PRKAR2B: variants seen among roughly 807,000 people sequenced by gnomAD.
PRKAR2B encodes cAMP-dependent protein kinase type II-beta regulatory subunit.
PRKAR2B carries 14 observed loss-of-function variants against 49.9 expected under a neutral mutation model. The ratio of observed to expected loss-of-function variants is 0.28; its 90% CI spans 0.19 to 0.44. The LOEUF (loss-of-function observed/expected upper bound fraction) is 0.44. Ranked by LOEUF, PRKAR2B falls within the 20% of genes least tolerant of loss-of-function variation. The probability of loss-of-function intolerance (pLI) is 1.00; values close to 1 mark genes in which losing one functional copy is unlikely to be tolerated. For missense variants in PRKAR2B, 393 were observed against 537.9 expected (o/e 0.73, Z 2.67); for synonymous variants, 196 against 197.7 (o/e 0.99, Z 0.07).
At chr7:107,155,075 T>C (rs1270927825) in intron 8 of PRKAR2B, among the ~76,000 whole-genome samples, 1 of 152,196 alleles carries the variant, frequency 6.6e-6, no homozygotes, top group East Asian at 1.9e-4. Context: ...GTCTCGGCAC[T>C]TCCTCAGGAG....
chr7:107,131,460 A>G (rs1279229945), intron 4 of PRKAR2B, among the ~76,000 whole-genome samples: 1 of 152,252 alleles, frequency 6.6e-6, no homozygotes, highest in African/African-American at 2.4e-5. Flanking sequence ...TTTTGTAAAC[A>G]TAAGAGTTCT....
chr7:107,075,857 A>AT (rs1213225148), intron 2 of PRKAR2B, among the ~76,000 whole-genome samples: 1 of 152,172 alleles, frequency 6.6e-6, no homozygotes, highest in Admixed American at 6.5e-5. Flanking sequence ...TAATCCTTTA[A>AT]TATGGGCATC....
At chr7:107,068,367 G>A (rs1484847865) in intron 1 of PRKAR2B, among the ~76,000 whole-genome samples, 8 of 151,936 alleles carry the variant, frequency 5.3e-5, no homozygotes, top group Non-Finnish European at 1.2e-4. Flanking sequence ...TGCACTCTCC[G>A]TTCTGCATTC....
chr7:107,067,416 T>A (rs1007438701), intron 1 of PRKAR2B: 3 of 152,190 alleles, frequency 2.0e-5, no homozygotes, highest in African/African-American at 4.8e-5. Context: ...AATTACTGCA[T>A]ACCACTTGCT....
At chr7:107,053,533 T>A (rs1793851133) in intron 1 of PRKAR2B, among the ~76,000 whole-genome samples, 1 of 144,758 alleles carries the variant, frequency 6.9e-6, no homozygotes, top group Non-Finnish European at 1.5e-5. Flanking sequence ...AGAGTGTGTG[T>A]GTGTGTGTGT....
chr7:107,064,296 A>G (rs757372244), intron 1 of PRKAR2B, among the ~76,000 whole-genome samples: 2 of 152,172 alleles, frequency 1.3e-5, no homozygotes, highest in Admixed American at 1.3e-4. Flanking sequence ...TAATCATTCT[A>G]TTACTTTCAT....
At chr7:107,111,371 T>G (rs1795168905) in intron 2 of PRKAR2B, among the ~76,000 whole-genome samples, 1 of 152,320 alleles carries the variant, frequency 6.6e-6, no homozygotes, top group South Asian at 2.1e-4. Context: ...CTGACTTCAC[T>G]TCCTGCTGAT....
intron 4 of PRKAR2B, 58 bp downstream of exon 4, chr7:107,128,353 A>G (rs1274358152): frequency 8.5e-6 from 11 of 1,288,240 alleles, no homozygotes; most frequent in Non-Finnish European, 1.2e-5. Context: ...GACAGTGTCA[A>G]GAACTGTACA....
chr7:107,095,043 G>A (rs7780830), intron 2 of PRKAR2B, among the ~76,000 whole-genome samples: 17,362 of 152,130 alleles, frequency 0.11, 1,131 homozygotes, highest in Middle Eastern at 0.18. Context: ...TTCTGTGAAG[G>A]AAGTCATTGG....
intron 3 of PRKAR2B, among the ~76,000 whole-genome samples, chr7:107,125,827 G>A (rs914269074): frequency 6.6e-6 from 1 of 152,074 alleles, no homozygotes; most frequent in Non-Finnish European, 1.5e-5. Flanking sequence ...AGCGGCTCAT[G>A]CCTGTAATCT....
At chr7:107,113,078 C>T (rs1263943977) in intron 2 of PRKAR2B, among the ~76,000 whole-genome samples, 2 of 152,028 alleles carry the variant, frequency 1.3e-5, no homozygotes, top group South Asian at 2.1e-4. Flanking sequence ...GGAAGGATTC[C>T]GTAATATTTC....
At chr7:107,101,547 G>A (rs919182345) in intron 2 of PRKAR2B, among the ~76,000 whole-genome samples, 4 of 152,192 alleles carry the variant, frequency 2.6e-5, no homozygotes, top group East Asian at 1.9e-4. Flanking sequence ...AAGTGCCTCC[G>A]TGTCTGCCTC....
chr7:107,085,275 TTTAA>T (rs796679288), intron 2 of PRKAR2B, among the ~76,000 whole-genome samples: 36 of 152,204 alleles, frequency 2.4e-4, no homozygotes, highest in African/African-American at 8.7e-4. Context: ...TTTTCTGTGT[TTTAA>T]TTTGAAATCA....
chr7:107,088,788 C>T lies in PRKAR2B; in HGVS notation c.343+18472C>T, dbSNP rs532578935. 2.6e-5 allele frequency among the ~76,000 whole-genome samples: 4 copies of T among 152,118 alleles called. No individual in the cohort carries two copies. The East Asian group carries it at 5.9e-4, about 22-fold the overall frequency. ...CTAATTTTTGTAGTTTTAGTAGACC[C>T]GTGGTTTTGCCATGTTGGCCAGGCT... On this transcript the variant is annotated intron_variant, in intron 2 of 10. Transcript: ENST00000265717.
intron 2 of PRKAR2B, among the ~76,000 whole-genome samples, chr7:107,075,300 A>C (rs1794375015): frequency 6.6e-6 from 1 of 151,592 alleles, no homozygotes; most frequent in Admixed American, 6.6e-5. Context: ...ACAGGGTTTC[A>C]CCATGTTGGC....
intron 2 of PRKAR2B, among the ~76,000 whole-genome samples, chr7:107,096,770 C>T (rs533270210): frequency 9.9e-5 from 15 of 152,222 alleles, no homozygotes; most frequent in African/African-American, 3.6e-4. Context: ...TATGTGTACC[C>T]AGTAGTCATT....
chr7:107,134,216 A>G (rs1268536405), intron 4 of PRKAR2B, among the ~76,000 whole-genome samples: 1 of 152,070 alleles, frequency 6.6e-6, no homozygotes. Flanking sequence ...TTTAGTAGAC[A>G]TGGAGTTTGA....
chr7:107,144,043 C>T lies in PRKAR2B; in HGVS notation c.588-2265C>T, dbSNP rs141537489. Among the ~76,000 whole-genome samples, 1,384 of 149,792 alleles carry T rather than the reference C, an allele frequency of 9.2e-3. 26 individuals are homozygous for T. Among genetic ancestry groups the T allele is most frequent in the African/African-American group, 0.033 (1,332 of 40,528 alleles). On this transcript the variant is annotated intron_variant, in intron 5 of 10. Transcript: ENST00000265717. ...TCTATCCGTGAATGACATTGAAAACCAATTCTTTTCTTATTTATTTATTTA... is the reference window on the plus strand; with the variant it reads ...TCTATCCGTGAATGACATTGAAAACTAATTCTTTTCTTATTTATTTATTTA...
chr7:107,052,162 A>T (rs1453667470), intron 1 of PRKAR2B, among the ~76,000 whole-genome samples: 1 of 152,178 alleles, frequency 6.6e-6, no homozygotes, highest in African/African-American at 2.4e-5. Context: ...TCATGTCTAT[A>T]ATTCCCAGCA....
Sources: gnomAD v4.1 joint callset for allele counts (sites outside exome capture counted in the v4.1 genomes callset) on GRCh38, gnomAD v4.1.1 for gene constraint, MANE v1.5 for transcripts, NCBI Gene and HGNC (gene_info 2026-07-23, HGNC 2026-07-21) for gene names.